THADA: variants seen among roughly 807,000 people sequenced by gnomAD.
The protein encoded by THADA is THADA armadillo repeat containing.
In THADA, 213 loss-of-function variants were observed where a neutral mutation model predicts 219.8. That is an observed-to-expected ratio of 0.97 (90% confidence interval 0.87 to 1.09). THADA has a LOEUF of 1.09. THADA is among the 50% of genes least tolerant of loss of function. The pLI, the probability that THADA is intolerant of heterozygous loss-of-function variation, is 0.00. For synonymous variants in THADA, 1,018 were observed against 828.9 expected (o/e 1.23, Z -3.92); for missense variants, 2,956 against 2,311.3 (o/e 1.28, Z -5.72).
intron 30 of THADA, among the ~76,000 whole-genome samples, chr2:43,323,865 A>G (rs1413751269): frequency 6.6e-6 from 1 of 152,222 alleles, no homozygotes; most frequent in Non-Finnish European, 1.5e-5. Flanking sequence ...GAAAGAGGGT[A>G]AGAGATGTGA....
At chr2:43,273,863 G>C (rs768708280) in intron 36 of THADA, among the ~76,000 whole-genome samples, 3 of 152,046 alleles carry the variant, frequency 2.0e-5, no homozygotes, top group Non-Finnish European at 2.9e-5. Flanking sequence ...GCTGGCTCAC[G>C]GGCTCTGTGT....
At chr2:43,485,354 C>G (rs2105013412) in intron 25 of THADA, 29 bp from the exon 26 acceptor site, 1 of 1,509,098 alleles carries the variant, frequency 6.6e-7, no homozygotes, top group South Asian at 1.1e-5. Flanking sequence ...CACAATAAGG[C>G]TTAAATATTC....
intron 26 of THADA, among the ~76,000 whole-genome samples, chr2:43,443,176 G>A (rs1681061084): frequency 6.6e-6 from 1 of 152,144 alleles, no homozygotes; most frequent in Admixed American, 6.5e-5. Flanking sequence ...TTAAGATACT[G>A]AGTATAATGC....
intron 30 of THADA, among the ~76,000 whole-genome samples, chr2:43,338,522 C>T (rs1666737232): frequency 6.6e-6 from 1 of 152,148 alleles, no homozygotes; most frequent in Non-Finnish European, 1.5e-5. Flanking sequence ...CCATTTCCTC[C>T]TCTCTGTAGC....
intron 25 of THADA, among the ~76,000 whole-genome samples, chr2:43,492,509 G>A (rs1687769531): frequency 6.6e-6 from 1 of 152,086 alleles, no homozygotes; most frequent in African/African-American, 2.4e-5. Flanking sequence ...CAATTGCTAT[G>A]TAATATGGTC....
intron 26 of THADA, among the ~76,000 whole-genome samples, chr2:43,474,269 ATG>A (rs1408967471): frequency 1.3e-5 from 2 of 152,174 alleles, no homozygotes; most frequent in African/African-American, 4.8e-5. Context: ...TTTAAAGAGG[ATG>A]TGTGTTTTAA....
intron 29 of THADA, among the ~76,000 whole-genome samples, chr2:43,385,622 A>G (rs955908736): frequency 1.5e-4 from 22 of 151,376 alleles, no homozygotes; most frequent in Non-Finnish European, 2.8e-4. Flanking sequence ...AAAAAAAAAA[A>G]AAAAAAAAGA....
At chr2:43,480,615 T>C (rs958212740) in intron 26 of THADA, among the ~76,000 whole-genome samples, 5 of 151,882 alleles carry the variant, frequency 3.3e-5, no homozygotes, top group East Asian at 3.9e-4. Flanking sequence ...TCAAGACTAA[T>C]CTGGCCAATG....
chr2:43,342,027 C>T (rs192240084), intron 30 of THADA, among the ~76,000 whole-genome samples: 1 of 152,246 alleles, frequency 6.6e-6, no homozygotes, highest in Non-Finnish European at 1.5e-5. Context: ...CCTGGGCAAT[C>T]TGTTGAAACT....
At chr2:43,303,798 A>G (rs916184756) in intron 31 of THADA, among the ~76,000 whole-genome samples, 3 of 152,096 alleles carry the variant, frequency 2.0e-5, no homozygotes, top group Non-Finnish European at 4.4e-5. Flanking sequence ...TCAGTGGTCA[A>G]TGTCCCATGT....
At chr2:43,357,983 C>T (rs530207097) in intron 29 of THADA, among the ~76,000 whole-genome samples, 1 of 152,212 alleles carries the variant, frequency 6.6e-6, no homozygotes, top group East Asian at 1.9e-4. Flanking sequence ...TCAGCTTCCT[C>T]CAATGGTGAT....
chr2:43,431,306 A>AC (rs1285174304), intron 26 of THADA, among the ~76,000 whole-genome samples: 1 of 152,010 alleles, frequency 6.6e-6, no homozygotes, highest in Non-Finnish European at 1.5e-5. Flanking sequence ...CGTAATCCAC[A>AC]CCCCTATCAA....
intron 25 of THADA, among the ~76,000 whole-genome samples, chr2:43,495,515 C>T (rs951995487): frequency 9.2e-5 from 14 of 152,032 alleles, no homozygotes; most frequent in Admixed American, 2.0e-4. Flanking sequence ...CATATCTGTA[C>T]GGTAATTTAA....
chr2:43,399,267 A>C (rs1674484528), intron 28 of THADA, among the ~76,000 whole-genome samples: 1 of 152,186 alleles, frequency 6.6e-6, no homozygotes, highest in South Asian at 2.1e-4. Context: ...AAGACGGTAG[A>C]CTCTGTAGGG....
At chr2:43,319,811 G>A (rs1573048298) in intron 31 of THADA, among the ~76,000 whole-genome samples, 1 of 152,082 alleles carries the variant, frequency 6.6e-6, no homozygotes, top group African/African-American at 2.4e-5. Context: ...TCCGTGGCCT[G>A]GAATTCATGT....
intron 26 of THADA, among the ~76,000 whole-genome samples, chr2:43,480,487 G>C (rs956992284): frequency 1.3e-5 from 2 of 152,070 alleles, no homozygotes; most frequent in Non-Finnish European, 2.9e-5. Flanking sequence ...ATAAATGCTT[G>C]TTCAGTGGAG....
intron 19 of THADA, 60 bp from the exon 20 acceptor site, chr2:43,549,428 T>C (rs1696487787): frequency 2.7e-6 from 4 of 1,493,566 alleles, no homozygotes; most frequent in African/African-American, 1.4e-5. Context: ...CAGATTTCCC[T>C]TGGGGATGCT....
intron 13 of THADA, among the ~76,000 whole-genome samples, chr2:43,571,089 C>A (rs115265787): frequency 1.3e-5 from 2 of 151,878 alleles, no homozygotes; most frequent in African/African-American, 2.4e-5. Context: ...GACACTATCT[C>A]TAAAAAAAAA....
intron 29 of THADA, among the ~76,000 whole-genome samples, chr2:43,348,982 C>T (rs1044190098): frequency 1.3e-5 from 2 of 152,148 alleles, no homozygotes; most frequent in South Asian, 4.1e-4. Context: ...GTCATCAGCA[C>T]AAGAAACAGG....
Sources: gnomAD v4.1 joint callset for allele counts (sites outside exome capture counted in the v4.1 genomes callset) on GRCh38, gnomAD v4.1.1 for gene constraint, MANE v1.5 for transcripts, NCBI Gene and HGNC (gene_info 2026-07-23, HGNC 2026-07-21) for gene names.